Variants in PTPRD observed in about 807,000 individuals in gnomAD.
PTPRD encodes the protein protein tyrosine phosphatase receptor type D, also known as receptor-type tyrosine-protein phosphatase delta.
A neutral mutation model predicts 214.5 loss-of-function variants in PTPRD; 34 were observed. That is an observed-to-expected ratio of 0.16 (90% CI 0.12 to 0.21). The LOEUF (loss-of-function observed/expected upper bound fraction) is 0.21, where lower values mean the gene tolerates loss of function less well. PTPRD is among the 10% of genes least tolerant of loss of function. The pLI, the probability that PTPRD is intolerant of heterozygous loss-of-function variation, is 1.00. For missense variants in PTPRD, 2,545 were observed against 2,398.7 expected (o/e 1.06, Z -1.27); for synonymous variants, 1,128 against 845.7 (o/e 1.33, Z -5.79).
intron 11 of PTPRD, among the ~76,000 whole-genome samples, chr9:8,878,034 T>A (rs538347631): frequency 6.6e-6 from 1 of 152,322 alleles, no homozygotes; most frequent in South Asian, 2.1e-4. Context: ...TACCCTCAAG[T>A]ATACACTTTA....
intron 3 of PTPRD, among the ~76,000 whole-genome samples, chr9:10,047,285 A>T (rs291259): frequency 6.8e-6 from 1 of 147,462 alleles, no homozygotes. Context: ...GTTTCCTCAT[A>T]GGTAAAATGA....
intron 2 of PTPRD, among the ~76,000 whole-genome samples, chr9:10,519,218 C>A: frequency 8.8e-6 from 1 of 113,976 alleles, no homozygotes; most frequent in Non-Finnish European, 1.6e-5. Context: ...TTTTATTCAG[C>A]GGGAGAAGTT....
At chr9:9,058,610 C>T (rs977071271) in intron 10 of PTPRD, among the ~76,000 whole-genome samples, 11 of 150,964 alleles carry the variant, frequency 7.3e-5, no homozygotes, top group African/African-American at 2.7e-4. Flanking sequence ...CCACCTCGCC[C>T]GGCTAATTTT....
At chr9:9,606,427 T>A (rs1364752803) in intron 7 of PTPRD, among the ~76,000 whole-genome samples, 1 of 152,066 alleles carries the variant, frequency 6.6e-6, no homozygotes, top group Non-Finnish European at 1.5e-5. Context: ...TAACTATAAT[T>A]AGCTTTCAGG....
intron 11 of PTPRD, among the ~76,000 whole-genome samples, chr9:8,905,212 T>C (rs982920073): frequency 6.6e-6 from 1 of 152,124 alleles, no homozygotes; most frequent in Non-Finnish European, 1.5e-5. Context: ...ATCAAGCAGT[T>C]CCAAAGTAAA....
intron 11 of PTPRD, among the ~76,000 whole-genome samples, chr9:9,007,610 C>A (rs1025058463): frequency 1.3e-5 from 2 of 151,730 alleles, no homozygotes; most frequent in African/African-American, 4.8e-5. Flanking sequence ...TCTCAGAGAC[C>A]ATCATGCCTT....
rs1424413919 is a variant in PTPRD, at chr9:8,518,394, C to T, written c.997G>A (p.Glu333Lys). The T allele has an allele frequency of 3.2e-5, 51 of 1,613,102 alleles. 1 individual carries two copies. Among genetic ancestry groups the T allele is most frequent in the South Asian group, 1.2e-4 (11 of 91,022 alleles). The change falls in exon 21 of 46, where the codon GAG becomes AAG. Residue 333 changes from glutamate to lysine, a missense_variant. Transcript: ENST00000381196. The part of the protein sequence containing the change: ...PKPPGTPVVT[E>K]STATSITLTW... ...AGTGTGATGCTTGTAGCTGTGCTCT[C>T]GGTCACTACAGGAGTTCCTGGAGGT... is the stretch of plus-strand genomic sequence containing the variant.
intron 14 of PTPRD, among the ~76,000 whole-genome samples, chr9:8,585,165 T>A (rs1402264167): frequency 6.6e-6 from 1 of 152,146 alleles, no homozygotes; most frequent in Non-Finnish European, 1.5e-5. Flanking sequence ...TCAACGTAGA[T>A]CTTCAAATAT....
chr9:9,571,453 T>C (rs574295491), intron 8 of PTPRD, among the ~76,000 whole-genome samples: 2 of 151,436 alleles, frequency 1.3e-5, no homozygotes, highest in East Asian at 1.9e-4. Context: ...TTATTAGACA[T>C]AATATTTTAG....
rs1460501268 is a variant in PTPRD at position 8,470,988 on chromosome 9, C to G, written c.3504+7G>C. The G allele has an allele frequency of 3.7e-6, 6 of 1,608,854 alleles. No homozygotes were observed. Among genetic ancestry groups the G allele is most frequent in the South Asian group, 1.1e-5 (1 of 90,980 alleles). On this transcript the variant is annotated splice_region_variant and intron_variant, in intron 31 of 45. Coordinates refer to ENST00000381196, the MANE Select transcript of PTPRD (RefSeq NM_002839.4). ...ATAAAAGACATGGCCAACAATGACACAGTTACCTCATCTAATTCCATTTCA... is the reference window on the plus strand; with the variant it reads ...ATAAAAGACATGGCCAACAATGACAGAGTTACCTCATCTAATTCCATTTCA...
chr9:9,626,736 T>A (rs2095436576), intron 7 of PTPRD, among the ~76,000 whole-genome samples: 1 of 152,182 alleles, frequency 6.6e-6, no homozygotes, highest in Non-Finnish European at 1.5e-5. Context: ...GGTTACCCAT[T>A]GTAGAGATAA....
intron 21 of PTPRD, among the ~76,000 whole-genome samples, 167 bp downstream of exon 21, chr9:8,517,681 A>G (rs185053371): frequency 6.6e-6 from 1 of 152,342 alleles, no homozygotes; most frequent in East Asian, 1.9e-4. Context: ...AGTTTTTCAG[A>G]TGTCCATGCT....
At chr9:8,605,423 C>G (rs2095147093) in intron 14 of PTPRD, among the ~76,000 whole-genome samples, 1 of 152,076 alleles carries the variant, frequency 6.6e-6, no homozygotes, top group African/African-American at 2.4e-5. Flanking sequence ...TCACCAAAAC[C>G]ATTTTTGAGA....
At chr9:9,702,622 G>A (rs1211645058) in intron 7 of PTPRD, among the ~76,000 whole-genome samples, 1 of 152,154 alleles carries the variant, frequency 6.6e-6, no homozygotes, top group Non-Finnish European at 1.5e-5. Context: ...TGGTAGTGAG[G>A]AGAAAACAGA....
chr9:8,604,631 A>C (rs778615738), intron 14 of PTPRD, among the ~76,000 whole-genome samples: 1 of 152,160 alleles, frequency 6.6e-6, no homozygotes, highest in African/African-American at 2.4e-5. Flanking sequence ...CAAAGCAATA[A>C]GGGGGACTCA....
chr9:9,076,853 T>C (rs185753864), intron 10 of PTPRD, among the ~76,000 whole-genome samples: 12 of 151,966 alleles, frequency 7.9e-5, no homozygotes, highest in African/African-American at 2.9e-4. Context: ...GGTAGCTCTA[T>C]TTTTAGTTTT....
At chr9:10,561,384 T>C (rs1478441094) in intron 2 of PTPRD, among the ~76,000 whole-genome samples, 2 of 152,134 alleles carry the variant, frequency 1.3e-5, no homozygotes, top group Non-Finnish European at 2.9e-5. Context: ...CTTTAGTATG[T>C]TTGATTGATT....
At chr9:9,224,890 AC>A (rs771978356) in intron 9 of PTPRD, among the ~76,000 whole-genome samples, 2 of 152,032 alleles carry the variant, frequency 1.3e-5, no homozygotes, top group East Asian at 3.9e-4. Context: ...GCTGATGTCT[AC>A]ATGTTGTCTA....
intron 37 of PTPRD, among the ~76,000 whole-genome samples, chr9:8,385,375 A>C (rs1227426344): frequency 6.6e-6 from 1 of 152,140 alleles, no homozygotes; most frequent in Non-Finnish European, 1.5e-5. Context: ...AAATCTAAAA[A>C]TTAGCTGGGG....
Sources: gnomAD v4.1 joint callset for allele counts (sites outside exome capture counted in the v4.1 genomes callset) on GRCh38, gnomAD v4.1.1 for gene constraint, MANE v1.5 for transcripts, NCBI Gene and HGNC (gene_info 2026-07-23, HGNC 2026-07-21) for gene names.